The following PDE11A variants were observed in gnomAD, a reference collection of about 807,000 sequenced individuals.
PDE11A encodes phosphodiesterase 11A.
A neutral mutation model predicts 100.5 loss-of-function variants in PDE11A; 100 were observed. The ratio of observed to expected loss-of-function variants is 1.00; its 90% CI spans 0.85 to 1.18. PDE11A has a LOEUF of 1.18. Among genes scored for constraint, PDE11A ranks in the 50% most tolerant of loss-of-function variants. The pLI, the probability that PDE11A is intolerant of heterozygous loss-of-function variation, is 0.00. For missense variants in PDE11A, 1,141 were observed against 1,152.6 expected, an observed-to-expected ratio of 0.99 and a Z score of 0.15; for synonymous variants, 381 against 420.8, an observed-to-expected ratio of 0.91 and a Z score of 1.16.
Position 177,681,754 on chromosome 2 carries a change from C to T in PDE11A, c.2346-851G>A, listed in dbSNP as rs138871813. 1.3e-3 allele frequency among the ~76,000 whole-genome samples: 197 copies of T among 152,282 alleles called. 1 individual carries two copies. The highest frequency in any genetic ancestry group is 4.6e-3 in the African/African-American group (190 of 41,558). On this transcript the variant is annotated intron_variant, in intron 15 of 19. Coordinates refer to ENST00000286063, the MANE Select transcript of PDE11A (RefSeq NM_016953.4). ...TGGACATGTCTCATTATTCCTTCCT[C>T]CCTTTTGGAATTCAGGTACAGCTGA...
intron 9 of PDE11A, among the ~76,000 whole-genome samples, chr2:177,771,345 T>C (rs2105504621): frequency 6.6e-6 from 1 of 152,348 alleles, no homozygotes; most frequent in South Asian, 2.1e-4. Flanking sequence ...AATAACCTAT[T>C]GACCAAGAAC....
At chr2:177,830,894 T>C (rs1021185946) in intron 6 of PDE11A, among the ~76,000 whole-genome samples, 5 of 152,120 alleles carry the variant, frequency 3.3e-5, no homozygotes, top group African/African-American at 9.7e-5. Context: ...ATTCTTTTCA[T>C]AGAATCTTGT....
intron 10 of PDE11A, among the ~76,000 whole-genome samples, chr2:177,735,063 G>C (rs1371591618): frequency 6.6e-6 from 1 of 152,202 alleles, no homozygotes; most frequent in Non-Finnish European, 1.5e-5. Flanking sequence ...TGTGGTCCCT[G>C]TGCTCGCAGC....
chr2:177,805,084 T>C (rs2082850007), intron 9 of PDE11A, among the ~76,000 whole-genome samples: 1 of 121,754 alleles, frequency 8.2e-6, no homozygotes, highest in Admixed American at 7.6e-5. Flanking sequence ...TATTTTTTAA[T>C]TAAAAAATAT....
intron 1 of PDE11A, among the ~76,000 whole-genome samples, chr2:178,040,738 C>T (rs1559051319): frequency 1.3e-5 from 2 of 152,152 alleles, no homozygotes; most frequent in African/African-American, 4.8e-5. Flanking sequence ...TTTTCTCTTC[C>T]TTTTACTATG....
At chr2:177,875,571 CG>C (rs2084221651) in intron 5 of PDE11A, among the ~76,000 whole-genome samples, 1 of 151,576 alleles carries the variant, frequency 6.6e-6, no homozygotes. Flanking sequence ...GTAGTAGAGA[CG>C]GCATTTCACC....
intron 19 of PDE11A, among the ~76,000 whole-genome samples, chr2:177,653,050 G>A (rs965393931): frequency 6.6e-6 from 1 of 152,168 alleles, no homozygotes; most frequent in Admixed American, 6.5e-5. Flanking sequence ...ATTGTCAAAT[G>A]GTGGCTCCAT....
intron 2 of PDE11A, among the ~76,000 whole-genome samples, chr2:177,945,189 G>A (rs1011882571): frequency 2.6e-5 from 4 of 151,544 alleles, no homozygotes; most frequent in Non-Finnish European, 5.9e-5. Flanking sequence ...CCTCCCAGCC[G>A]CCTGCCTTGG....
At chr2:177,779,322 T>C (rs889031104) in intron 9 of PDE11A, among the ~76,000 whole-genome samples, 1 of 152,202 alleles carries the variant, frequency 6.6e-6, no homozygotes, top group South Asian at 2.1e-4. Context: ...AGTGCGGTGG[T>C]TGCTGAAGCT....
chr2:177,973,056 C>T (rs1484884293), intron 2 of PDE11A, among the ~76,000 whole-genome samples: 1 of 152,132 alleles, frequency 6.6e-6, no homozygotes, highest in Non-Finnish European at 1.5e-5. Context: ...ACTCAGAATA[C>T]TCAAGAAAAT....
chr2:177,626,643 C>G lies in PDE11A; in HGVS notation c.*2764G>C, dbSNP rs1264197979. 2 of 152,662 alleles carry G rather than the reference C, an allele frequency of 1.3e-5. No homozygotes were observed. The highest frequency in any genetic ancestry group is 2.9e-5 in the Non-Finnish European group (2 of 68,054). 9.5% of individuals were successfully genotyped at this position (152,662 alleles called of 1,614,324 possible). A position where few individuals can be genotyped will look rare whatever the true frequency, so the allele number is the denominator to read the frequency against. ...AAAATCCATAAATCTGAACAACCTCCTCTTACCTGCTCTGCAGAGGCAGTT... is the reference window on the plus strand; with the variant it reads ...AAAATCCATAAATCTGAACAACCTCGTCTTACCTGCTCTGCAGAGGCAGTT... On this transcript the variant is annotated 3_prime_UTR_variant, in exon 20 of 20. Transcript: ENST00000286063.
At chr2:177,821,653 A>T (rs775386620) in intron 6 of PDE11A, among the ~76,000 whole-genome samples, 12 of 151,870 alleles carry the variant, frequency 7.9e-5, no homozygotes, top group Non-Finnish European at 1.6e-4. Flanking sequence ...TTAAAAAAAA[A>T]TTTTGACAAT....
chr2:177,926,863 T>G (rs75504144), intron 2 of PDE11A: 18 of 152,306 alleles, frequency 1.2e-4, no homozygotes, highest in African/African-American at 3.4e-4. Context: ...GTAATTTTTT[T>G]ACTCCACATC....
intron 19 of PDE11A, among the ~76,000 whole-genome samples, chr2:177,648,220 C>G (rs569959633): frequency 4.6e-5 from 7 of 152,138 alleles, no homozygotes; most frequent in Non-Finnish European, 1.0e-4. Flanking sequence ...CTGGCCTTCT[C>G]TTTGTCCTAG....
At chr2:177,774,350 A>G (rs2082350740) in intron 9 of PDE11A, among the ~76,000 whole-genome samples, 1 of 151,858 alleles carries the variant, frequency 6.6e-6, no homozygotes, top group Admixed American at 6.6e-5. Flanking sequence ...TTCTGCCCCC[A>G]CCTCTCCACT....
At chr2:177,843,492 A>G (rs1330839674) in intron 5 of PDE11A, among the ~76,000 whole-genome samples, 1 of 152,224 alleles carries the variant, frequency 6.6e-6, no homozygotes, top group Non-Finnish European at 1.5e-5. Flanking sequence ...TAAGAGCTTT[A>G]GGTCCCTACT....
intron 1 of PDE11A, among the ~76,000 whole-genome samples, chr2:178,037,076 T>C (rs1386158508): frequency 6.6e-6 from 1 of 151,820 alleles, no homozygotes; most frequent in African/African-American, 2.4e-5. Flanking sequence ...ATCATCAGAG[T>C]GAACAGGCAA....
intron 9 of PDE11A, among the ~76,000 whole-genome samples, chr2:177,785,897 G>A (rs1399943334): frequency 1.3e-5 from 2 of 152,238 alleles, no homozygotes; most frequent in Admixed American, 6.5e-5. Flanking sequence ...CTTGAACTGG[G>A]TGGAGCCCAC....
At chr2:177,756,303 C>A (rs907295731) in intron 10 of PDE11A, among the ~76,000 whole-genome samples, 8 of 152,100 alleles carry the variant, frequency 5.3e-5, no homozygotes, top group Non-Finnish European at 1.2e-4. Context: ...TTCAAGAAGA[C>A]CACTGATGGT....
Sources: gnomAD v4.1 joint callset for allele counts (sites outside exome capture counted in the v4.1 genomes callset) on GRCh38, gnomAD v4.1.1 for gene constraint, MANE v1.5 for transcripts, NCBI Gene and HGNC (gene_info 2026-07-23, HGNC 2026-07-21) for gene names.